The following PRH1 variants were observed in gnomAD, a reference collection of about 807,000 sequenced individuals.
PRH1 encodes the protein salivary acidic proline-rich phosphoprotein 1/2.
PRH1 carries 7 observed loss-of-function variants against 7.9 expected under a neutral mutation model. The ratio of observed to expected loss-of-function variants is 0.89; its 90% CI spans 0.50 to 1.67. The LOEUF is 1.67. Ranked by LOEUF, PRH1 falls within the 40% of genes most tolerant of loss-of-function variation. The pLI, the probability that PRH1 is intolerant of heterozygous loss-of-function variation, is 0.00. For synonymous variants in PRH1, 45 were observed against 80.8 expected (o/e 0.56, Z 2.38); for missense variants, 109 against 223.6 (o/e 0.49, Z 3.27).
At chr12:10,985,988 A>G in intron 1 of PRH1, 1 of 1,612,746 alleles carries the variant, frequency 6.2e-7, no homozygotes, top group South Asian at 1.1e-5. Flanking sequence ...ACAAAATCAA[A>G]AGAAAGGTGT....
chr12:11,020,377 T>TATATATAC (rs1941552937), intron 1 of PRH1, among the ~76,000 whole-genome samples: 1 of 123,060 alleles, frequency 8.1e-6, no homozygotes, highest in African/African-American at 2.8e-5. Context: ...TATATATATA[T>TATATATAC]ATATATATAT....
At chr12:10,913,054 T>C (rs933990058) in intron 2 of PRH1, among the ~76,000 whole-genome samples, 7 of 152,364 alleles carry the variant, frequency 4.6e-5, no homozygotes, top group Admixed American at 3.3e-4. Flanking sequence ...AACTTTTACT[T>C]TACATATTTT....
chr12:10,933,269 A>T (rs1950239515), intron 2 of PRH1, among the ~76,000 whole-genome samples: 1 of 152,058 alleles, frequency 6.6e-6, no homozygotes, highest in Admixed American at 6.6e-5. Context: ...AATATATTAA[A>T]CTCATTATAG....
At chr12:10,965,292 TC>T (rs1196528949) in intron 2 of PRH1, 8 of 1,407,764 alleles carry the variant, frequency 5.7e-6, no homozygotes, top group Non-Finnish European at 5.8e-6. Flanking sequence ...TTAGCAAAAT[TC>T]CCAAGAACAA....
intron 2 of PRH1, among the ~76,000 whole-genome samples, chr12:10,968,115 C>CAAAT (rs10650657): frequency 0.24 from 36,923 of 151,846 alleles, 4,533 homozygotes; most frequent in Non-Finnish European, 0.25. Flanking sequence ...AAATAATAAA[C>CAAAT]AAAAATAATA....
intron 1 of PRH1, among the ~76,000 whole-genome samples, chr12:11,000,500 T>G (rs1209646128): frequency 6.6e-6 from 1 of 152,188 alleles, no homozygotes; most frequent in Non-Finnish European, 1.5e-5. Context: ...TCTGGCTACT[T>G]TTCAGATTTT....
At chr12:10,925,128 C>G (rs1950106621) in intron 2 of PRH1, among the ~76,000 whole-genome samples, 1 of 152,210 alleles carries the variant, frequency 6.6e-6, no homozygotes, top group Non-Finnish European at 1.5e-5. Context: ...ACTCCCCTCT[C>G]CACTGCAGAG....
intron 1 of PRH1, among the ~76,000 whole-genome samples, chr12:11,003,203 A>C (rs1940675400): frequency 6.6e-6 from 1 of 151,994 alleles, no homozygotes; most frequent in Non-Finnish European, 1.5e-5. Flanking sequence ...TTCTTTATTC[A>C]GCAAAACTCT....
At chr12:11,139,839 T>G (rs1946655561) in intron 1 of PRH1, among the ~76,000 whole-genome samples, 1 of 152,160 alleles carries the variant, frequency 6.6e-6, no homozygotes. Context: ...GCCAAAATGA[T>G]GGTACAGATT....
intron 1 of PRH1, among the ~76,000 whole-genome samples, chr12:11,007,411 C>T (rs1427723913): frequency 1.3e-5 from 2 of 151,986 alleles, no homozygotes; most frequent in Admixed American, 6.6e-5. Flanking sequence ...TTCTGTTTTC[C>T]CACTCAGGGT....
intron 2 of PRH1, among the ~76,000 whole-genome samples, chr12:10,957,701 G>C (rs1371955325): frequency 6.6e-6 from 1 of 151,822 alleles, no homozygotes; most frequent in Non-Finnish European, 1.5e-5. Context: ...GAACATATAA[G>C]GAATTTACAT....
intron 1 of PRH1, chr12:11,022,288 C>T (rs778787132): frequency 6.2e-7 from 1 of 1,614,208 alleles, no homozygotes; most frequent in Non-Finnish European, 8.5e-7. Flanking sequence ...AAGCCACATG[C>T]TGAAATGGTT....
chr12:11,124,802 T>A (rs1946054701), intron 1 of PRH1, among the ~76,000 whole-genome samples: 1 of 152,174 alleles, frequency 6.6e-6, no homozygotes, highest in South Asian at 2.1e-4. Context: ...TGTACTAGAG[T>A]TAAGGGTAGT....
chr12:11,067,217 CA>C (rs1943861742), intron 1 of PRH1, among the ~76,000 whole-genome samples: 2 of 152,086 alleles, frequency 1.3e-5, no homozygotes, highest in Admixed American at 1.3e-4. Context: ...TTCTCCAATG[CA>C]GAATCAAAAA....
intron 1 of PRH1, among the ~76,000 whole-genome samples, chr12:10,996,264 C>T (rs1940228738): frequency 2.0e-5 from 3 of 151,412 alleles, no homozygotes; most frequent in South Asian, 2.1e-4. Flanking sequence ...CAGAGGTGAA[C>T]GTTGTGGTGA....
At chr12:11,069,916 A>G (rs1398797420) in intron 1 of PRH1, among the ~76,000 whole-genome samples, 18 of 151,550 alleles carry the variant, frequency 1.2e-4, no homozygotes, top group African/African-American at 4.4e-4. Context: ...GAATGTATTT[A>G]TATGATGCTT....
chr12:11,021,925 G>C (rs138697707), intron 1 of PRH1: 4 of 1,614,094 alleles, frequency 2.5e-6, no homozygotes, highest in Non-Finnish European at 3.4e-6. Context: ...GGGATCTTGA[G>C]ATCCTTTGCT....
At chr12:11,115,247 G>C (rs1945698364) in intron 1 of PRH1, among the ~76,000 whole-genome samples, 1 of 152,068 alleles carries the variant, frequency 6.6e-6, no homozygotes, top group African/African-American at 2.4e-5. Context: ...AAAAAGTGGA[G>C]TACCTATACA....
intron 1 of PRH1, among the ~76,000 whole-genome samples, chr12:11,005,783 T>TA (rs1940799358): frequency 6.6e-6 from 1 of 152,092 alleles, no homozygotes; most frequent in African/African-American, 2.4e-5. Context: ...TTTATAAACT[T>TA]ATCTCTCGTG....
Sources: allele counts gnomAD v4.1 joint callset (sites outside exome capture counted in the v4.1 genomes callset), GRCh38; gene constraint gnomAD v4.1.1; transcripts MANE v1.5; gene names NCBI Gene and HGNC (gene_info 2026-07-23, HGNC 2026-07-21).